Variants in CTC1 observed in about 807,000 individuals in gnomAD.
CTC1 encodes the protein CST complex subunit CTC1.
Under a neutral mutation model 136.3 loss-of-function variants are expected in CTC1, and 91 were observed. The observed-to-expected ratio is 0.67, with a 90% CI of 0.56 to 0.79. The LOEUF (loss-of-function observed/expected upper bound fraction) is 0.79, where lower values mean the gene tolerates loss of function less well. Among genes scored for constraint, CTC1 ranks in the 30% least tolerant of loss-of-function variants. The probability of loss-of-function intolerance (pLI) is 0.00; values close to 1 mark genes in which losing one functional copy is unlikely to be tolerated. For missense variants in CTC1, 1,432 were observed against 1,498.1 expected (o/e 0.96, Z 0.73); for synonymous variants, 606 against 613.8 (o/e 0.99, Z 0.19).
chr17:8,242,524 G>A (rs1988313732), intron 2 of CTC1, among the ~76,000 whole-genome samples: 1 of 96,832 alleles, frequency 1.0e-5, no homozygotes, highest in Non-Finnish European at 1.9e-5. Flanking sequence ...GGAAATGATA[G>A]TGTAGAGAGA....
intron 2 of CTC1, among the ~76,000 whole-genome samples, chr17:8,241,525 G>A (rs1988215214): frequency 6.7e-6 from 1 of 148,718 alleles, no homozygotes; most frequent in Admixed American, 6.8e-5. Context: ...AGAATCACTT[G>A]AACCCAGGAG....
In CTC1 at chr17:8,234,733, C is replaced by T. The variant is rs768245699; in HGVS notation, c.1617+16G>A. The T allele has an allele frequency of 1.3e-6, 2 of 1,581,340 alleles. No homozygotes were observed. The highest frequency in any genetic ancestry group is 1.8e-5 in the Admixed American group (1 of 56,666). Reference sequence around the variant, plus strand: ...CTCCAGTGTTCTGCCACCATCCTTCCCCCACATCCTCATACTTTCTGGAGG... The same window carrying T: ...CTCCAGTGTTCTGCCACCATCCTTCTCCCACATCCTCATACTTTCTGGAGG... On this transcript the variant is annotated intron_variant, in intron 9 of 22. Coordinates refer to ENST00000651323, the MANE Select transcript of CTC1 (RefSeq NM_025099.6).
chr17:8,232,110 G>A lies in CTC1; in HGVS notation c.2178C>T (p.His726=), dbSNP rs201146538. The A allele has an allele frequency of 6.5e-7, 1 of 1,539,056 alleles. No homozygotes were observed. Among genetic ancestry groups the A allele is most frequent in the Non-Finnish European group, 8.7e-7 (1 of 1,148,232 alleles). ...QTDPTGPEGP[H]LGQSRLFLLC... ...GCAAGAAGAGCCGGCTCTGTCCTAG[G>A]TGGGGTCCCTCTGGGCCGGTGGGAT... Residue 726 remains histidine (H), a synonymous_variant, in exon 13 of 23, where the codon CAC becomes CAT. Coordinates refer to ENST00000651323, the MANE Select transcript of CTC1 (RefSeq NM_025099.6).
Position 8,231,136 on chromosome 17 carries a change from G to A in CTC1, c.2669+140C>T, listed in dbSNP as rs138660506. On this transcript the variant is annotated intron_variant, in intron 15 of 22. Coordinates refer to ENST00000651323, the MANE Select transcript of CTC1 (RefSeq NM_025099.6). Reference sequence around the variant, plus strand: ...GGCTTAGGCAACAGAGTGAGACTCCGTCTCAAAAAAAAACAAACAAAAACA... The same window carrying A: ...GGCTTAGGCAACAGAGTGAGACTCCATCTCAAAAAAAAACAAACAAAAACA... 121 of 697,220 alleles carry A rather than the reference G, an allele frequency of 1.7e-4. 1 individual carries two copies. In the African/African-American group the frequency reaches 1.8e-3, roughly 10 times the overall value. 43.2% of individuals were successfully genotyped at this position (697,220 alleles called of 1,614,324 possible).
chr17:8,230,869 C>T, intron 15 of CTC1: 5 of 564,606 alleles, frequency 8.9e-6, no homozygotes, highest in Non-Finnish European at 1.6e-5. Flanking sequence ...CACAAGGTGG[C>T]TCACGCCCCT....
At position 8,226,752 on chromosome 17, in the gene CTC1, T is replaced by C. The variant is rs1270625341; in HGVS notation, c.*1428A>G. ...TTACTTCCCTTGACTGACAAACATC[T>C]GCCTCCATGAAAGCGCTTCAGGGAA... is the stretch of plus-strand genomic sequence containing the variant. On this transcript the variant is annotated 3_prime_UTR_variant, in exon 23 of 23. Coordinates refer to ENST00000651323, the MANE Select transcript of CTC1 (RefSeq NM_025099.6). 10 of 152,256 alleles carry C rather than the reference T, an allele frequency of 6.6e-5. 1 individual carries two copies. The highest frequency in any genetic ancestry group is 5.9e-4 in the Admixed American group (9 of 15,286). 9.4% of individuals were successfully genotyped at this position (152,256 alleles called of 1,614,324 possible). A position where few individuals can be genotyped will look rare whatever the true frequency, so the allele number is the denominator to read the frequency against.
chr17:8,235,329 C>G (rs748468956), intron 7 of CTC1, 44 bp from the exon 8 acceptor site: 29 of 1,439,062 alleles, frequency 2.0e-5, no homozygotes, highest in Non-Finnish European at 2.8e-5. Flanking sequence ...ATGAAGACCC[C>G]AACTCAATGA....
chr17:8,241,882 G>T (rs561832182), intron 2 of CTC1, among the ~76,000 whole-genome samples: 1 of 150,308 alleles, frequency 6.7e-6, no homozygotes, highest in Admixed American at 6.6e-5. Flanking sequence ...AATCACGGAG[G>T]GTATTTACAT....
At chr17:8,246,665 T>C (rs1315158951) in intron 1 of CTC1, among the ~76,000 whole-genome samples, 1 of 151,880 alleles carries the variant, frequency 6.6e-6, no homozygotes, top group Non-Finnish European at 1.5e-5. Flanking sequence ...GGCGGGCAGA[T>C]CACGACGTCA....
Position 8,234,615 on chromosome 17 carries a change from G to C in CTC1, c.1658C>G (p.Ala553Gly). Residue 553 changes from alanine to glycine, a missense_variant, in exon 10 of 23, where the codon GCC becomes GGC. By Grantham distance (60) the Ala-to-Gly change is moderately conservative. Transcript: ENST00000651323. ...LQTPSSFPTL[A>G]TLKEEGQRKA... ...ACGCTGTCCTTCTTCTTTCAGGGTG[G>C]CCAGAGTGGGGAAGGAGGAGGGAGT... 6.2e-7 allele frequency: 1 copy of C among 1,612,892 alleles called. No individual in the cohort carries two copies. The highest frequency in any genetic ancestry group is 8.5e-7 in the Non-Finnish European group (1 of 1,179,402).
At position 8,232,401 on chromosome 17, in the gene CTC1, C is replaced by A; in HGVS notation, c.2020G>T (p.Glu674Ter). 3 of 1,614,144 alleles carry A rather than the reference C, an allele frequency of 1.9e-6. No individual in the cohort carries two copies. Among genetic ancestry groups the A allele is most frequent in the South Asian group, 1.1e-5 (1 of 91,080 alleles). Reference protein sequence around the residue: ...DVRSSFPSWKELSMPGFIQKQ... With the variant: ...DVRSSFPSWK ...TGGATGAAGCCTGGCATGCTCAGCT[C>A]CTTCCAGGAAGGGAAGCTGCTTCTC... is the stretch of plus-strand genomic sequence containing the variant. The change falls in exon 12 of 23, where the codon GAG (glutamate) becomes TAG (stop). Residue 674 changes from glutamate (E) to a stop codon, truncating the protein, a stop_gained. Transcript: ENST00000651323. LOFTEE classifies it high-confidence loss of function.
intron 1 of CTC1, among the ~76,000 whole-genome samples, chr17:8,246,994 T>C (rs1338952886): frequency 7.7e-6 from 1 of 129,722 alleles, no homozygotes; most frequent in Non-Finnish European, 1.6e-5. Flanking sequence ...ATTTATTTAT[T>C]TATTTATTTA....
At chr17:8,231,620 C>T (rs1987234138) in intron 14 of CTC1, 106 bp downstream of exon 14, 2 of 1,274,416 alleles carry the variant, frequency 1.6e-6, no homozygotes, top group Non-Finnish European at 2.3e-6. Context: ...TAAATCCAGC[C>T]TTCTTCCAGG....
chr17:8,228,734 T>C lies in CTC1; in HGVS notation c.3380A>G (p.Gln1127Arg). The C allele has an allele frequency of 6.2e-7, 1 of 1,614,080 alleles. No individual in the cohort carries two copies. Among genetic ancestry groups the C allele is most frequent in the Non-Finnish European group, 8.5e-7 (1 of 1,179,990 alleles). Reference sequence around the variant, plus strand: ...CTCCCAGCCACATTACACCTCAAGTTGGGCTCCAGGCCCTGCAAACTGCAA... The same window carrying C: ...CTCCCAGCCACATTACACCTCAAGTCGGGCTCCAGGCCCTGCAAACTGCAA... ...VVLQFAGPGAQLESSARVDEP... is the reference protein window; with the variant it reads ...VVLQFAGPGARLESSARVDEP... Residue 1127 changes from glutamine to arginine, a missense_variant, in exon 21 of 23, where the codon CAA becomes CGA. By Grantham distance (43) the Gln-to-Arg change is conservative. Coordinates refer to ENST00000651323, the MANE Select transcript of CTC1 (RefSeq NM_025099.6).
chr17:8,234,692 A>C, intron 9 of CTC1, 37 bp from the exon 10 acceptor site: 1 of 1,587,826 alleles, frequency 6.3e-7, no homozygotes, highest in South Asian at 1.1e-5. Flanking sequence ...TGTGTGTCCC[A>C]TGGGCCCCAG....
At chr17:8,245,762 C>T (rs1056732023) in intron 1 of CTC1, among the ~76,000 whole-genome samples, 3 of 151,946 alleles carry the variant, frequency 2.0e-5, no homozygotes, top group Non-Finnish European at 4.4e-5. Flanking sequence ...GGCAAAGACC[C>T]GTCTCTACAA....
In CTC1 at chr17:8,238,545, G is replaced by A. The variant is rs755080610; in HGVS notation, c.282C>T (p.Ala94=). The A allele has an allele frequency of 1.2e-6, 2 of 1,614,186 alleles. No homozygotes were observed. The highest frequency in any genetic ancestry group is 3.3e-5 in the Admixed American group (2 of 60,022). ...HLSWSSSAYQ[A]WAQEAGPNGN... ...CATTTGGTCCAGCCTCTTGGGCCCA[G>A]GCCTGGTATGCACTACTGCTCCACG... Residue 94 remains alanine, a synonymous_variant, in exon 3 of 23, where the codon GCC becomes GCT. Transcript: ENST00000651323.
intron 4 of CTC1, among the ~76,000 whole-genome samples, chr17:8,237,774 T>C (rs550270646): frequency 8.1e-5 from 12 of 147,956 alleles, no homozygotes; most frequent in African/African-American, 2.2e-4. Flanking sequence ...AAGAATAACC[T>C]GGTAATGATA....
Position 8,229,960 on chromosome 17 carries a change from T to C in CTC1, c.2942A>G (p.Asn981Ser), listed in dbSNP as rs375371933. 9 of 1,613,832 alleles carry C rather than the reference T, an allele frequency of 5.6e-6. No individual in the cohort carries two copies. The highest frequency in any genetic ancestry group is 1.6e-4 in the Middle Eastern group (1 of 6,062). Reference sequence around the variant, plus strand: ...GGATGACCGGAAACAACAATAAACATTGTGAGATCTGCAAGTGGAAGAGGA... The same window carrying C: ...GGATGACCGGAAACAACAATAAACACTGTGAGATCTGCAAGTGGAAGAGGA... ...QLEKRVSRSH[N>S]VYCCFRSSTY... The change falls in exon 18 of 23, where the codon AAT becomes AGT. Residue 981 changes from asparagine (N) to serine (S), a missense_variant. Asn to Ser is a conservative substitution (Grantham distance 46). Coordinates refer to ENST00000651323, the MANE Select transcript of CTC1 (RefSeq NM_025099.6).
Sources: gnomAD v4.1 joint callset for allele counts (sites outside exome capture counted in the v4.1 genomes callset) on GRCh38, gnomAD v4.1.1 for gene constraint, MANE v1.5 for transcripts, NCBI Gene and HGNC (gene_info 2026-07-23, HGNC 2026-07-21) for gene names.